The following CDH8 variants were observed in gnomAD, a reference collection of about 807,000 sequenced individuals.
The protein encoded by CDH8 is cadherin-8.
CDH8 carries 17 observed loss-of-function variants against 68.1 expected under a neutral mutation model. The observed-to-expected ratio is 0.25, with a 90% CI of 0.17 to 0.37. The LOEUF is 0.37. Among genes scored for constraint, CDH8 ranks in the 10% least tolerant of loss-of-function variants. CDH8 has a pLI of 1.00. For missense variants in CDH8, 763 were observed against 999.3 expected (o/e 0.76, Z 3.19); for synonymous variants, 372 against 365.1 (o/e 1.02, Z -0.21).
At chr16:61,664,472 A>T (rs1369744345) in intron 10 of CDH8, among the ~76,000 whole-genome samples, 1 of 152,046 alleles carries the variant, frequency 6.6e-6, no homozygotes, top group Non-Finnish European at 1.5e-5. Context: ...TTGTGGGCTT[A>T]AATTTATTTC....
chr16:61,987,679 C>T (rs58089628), intron 2 of CDH8, among the ~76,000 whole-genome samples: 2,579 of 151,526 alleles, frequency 0.017, 78 homozygotes, highest in African/African-American at 0.06. Context: ...TCTCTCATGA[C>T]AATATGATGT....
At chr16:61,969,863 C>G (rs576411163) in intron 2 of CDH8, among the ~76,000 whole-genome samples, 1 of 152,188 alleles carries the variant, frequency 6.6e-6, no homozygotes, top group African/African-American at 2.4e-5. Flanking sequence ...GTGTGTGACT[C>G]AAAGCCACCA....
At chr16:61,952,435 A>T (rs1028348177) in intron 2 of CDH8, among the ~76,000 whole-genome samples, 4 of 152,196 alleles carry the variant, frequency 2.6e-5, no homozygotes, top group Non-Finnish European at 5.9e-5. Flanking sequence ...ATGAATAAAG[A>T]GGTTTGGCTT....
intron 2 of CDH8, among the ~76,000 whole-genome samples, chr16:61,980,624 C>A (rs1285828865): frequency 6.6e-6 from 1 of 152,102 alleles, no homozygotes; most frequent in Admixed American, 6.5e-5. Flanking sequence ...GGAATGCAAC[C>A]ACACCCACTT....
chr16:61,854,266 G>C (rs1380088745), intron 4 of CDH8, among the ~76,000 whole-genome samples: 2 of 151,930 alleles, frequency 1.3e-5, no homozygotes, highest in Non-Finnish European at 2.9e-5. Flanking sequence ...CTTTAGGCTT[G>C]ACCTCAGGAT....
intron 7 of CDH8, among the ~76,000 whole-genome samples, chr16:61,811,586 G>T (rs144403763): frequency 0.01 from 1,590 of 152,108 alleles, 22 homozygotes; most frequent in African/African-American, 0.035. Flanking sequence ...ATATTAAAAA[G>T]ATATTAGCAC....
intron 2 of CDH8, among the ~76,000 whole-genome samples, chr16:61,904,351 C>T (rs938198875): frequency 7.9e-5 from 12 of 152,166 alleles, no homozygotes; most frequent in South Asian, 2.1e-4. Flanking sequence ...GCCTGGTCAA[C>T]GTACGCCCCC....
In CDH8 at chr16:62,021,299, A is replaced by C; in HGVS notation, c.105T>G (p.Ser35=). 6.2e-7 allele frequency: 1 copy of C among 1,614,026 alleles called. No individual in the cohort carries two copies. The highest frequency in any genetic ancestry group is 8.5e-7 in the Non-Finnish European group (1 of 1,179,942). Residue 35 remains serine (S), a synonymous_variant, in exon 2 of 12, where the codon TCT becomes TCG. Coordinates refer to ENST00000577390, the MANE Select transcript of CDH8 (RefSeq NM_001796.5). ...PCIYMAPMNQ[S]QVLMSGSPLE... ...AAGGGGATCCACTCATTAAAACTTG[A>C]GACTGATTCATCGGAGCCATGTAAA...
At chr16:61,984,753 C>T (rs907324899) in intron 2 of CDH8, among the ~76,000 whole-genome samples, 12 of 152,162 alleles carry the variant, frequency 7.9e-5, no homozygotes, top group African/African-American at 2.6e-4. Context: ...TTAATAAATG[C>T]TTCCCTACAG....
At chr16:61,933,094 G>A (rs1964571706) in intron 2 of CDH8, among the ~76,000 whole-genome samples, 1 of 152,182 alleles carries the variant, frequency 6.6e-6, no homozygotes, top group African/African-American at 2.4e-5. Context: ...AACACTGAGA[G>A]TGAGACCTTC....
intron 10 of CDH8, among the ~76,000 whole-genome samples, chr16:61,678,669 T>C (rs1031638284): frequency 2.0e-5 from 3 of 152,030 alleles, no homozygotes; most frequent in Non-Finnish European, 4.4e-5. Flanking sequence ...GCTACCCGAC[T>C]TCAAACTATA....
chr16:61,896,130 A>G (rs1963865494), intron 3 of CDH8, among the ~76,000 whole-genome samples: 1 of 152,234 alleles, frequency 6.6e-6, no homozygotes, highest in African/African-American at 2.4e-5. Context: ...AGGTAGGGAC[A>G]TTTGCATTGA....
At chr16:61,782,449 G>C (rs373096551) in intron 8 of CDH8, among the ~76,000 whole-genome samples, 1 of 151,710 alleles carries the variant, frequency 6.6e-6, no homozygotes, top group Non-Finnish European at 1.5e-5. Flanking sequence ...CGCCCACGGA[G>C]TCTCGCTGAT....
At chr16:61,981,631 G>C (rs1965530173) in intron 2 of CDH8, among the ~76,000 whole-genome samples, 1 of 151,582 alleles carries the variant, frequency 6.6e-6, no homozygotes, top group Admixed American at 6.6e-5. Context: ...TATCTTTTGA[G>C]CTGAACCTTG....
rs187472934 is a variant in CDH8 at position 62,019,462 on chromosome 16, C to T, written c.252+1690G>A. Among the ~76,000 whole-genome samples the T allele has an allele frequency of 3.6e-3, 545 of 152,254 alleles. 4 individuals carry two copies. Among genetic ancestry groups the T allele is most frequent in the African/African-American group, 0.012 (518 of 41,544 alleles). On this transcript the variant is annotated intron_variant, in intron 2 of 11. Transcript: ENST00000577390. ...TAATGCTGGTAAAGAAGCTCATATCCAAAACCCATGGGGCCAGATGTATCT... is the reference window on the plus strand; with the variant it reads ...TAATGCTGGTAAAGAAGCTCATATCTAAAACCCATGGGGCCAGATGTATCT...
chr16:61,739,884 C>CATATATATATATATATATATAT lies in CDH8; in HGVS notation c.1415-12691_1415-12670dup, dbSNP rs35095367. ...AATATAGCATTTGTACAACATATTCCATATATATATATATATATATATATA... is the reference window on the plus strand; with the variant it reads ...AATATAGCATTTGTACAACATATTCCATATATATATATATATATATATATATATATATATATATATATATATA... On this transcript the variant is annotated intron_variant, in intron 8 of 11. Coordinates refer to ENST00000577390, the MANE Select transcript of CDH8 (RefSeq NM_001796.5). Among the ~76,000 whole-genome samples the CATATATATATATATATATATAT allele has an allele frequency of 5.6e-4, 57 of 101,438 alleles. 1 individual carries two copies. Among genetic ancestry groups the CATATATATATATATATATATAT allele is most frequent in the Non-Finnish European group, 7.1e-4 (38 of 53,884 alleles). The allele number at this position is 101,438 out of a possible 152,430, so 66.5% of individuals were successfully genotyped here.
intron 2 of CDH8, among the ~76,000 whole-genome samples, chr16:61,994,776 A>C (rs958813890): frequency 1.3e-5 from 2 of 152,146 alleles, no homozygotes; most frequent in South Asian, 4.1e-4. Flanking sequence ...CATGATTCTG[A>C]TGCTTACTGC....
rs370448338 is a variant in CDH8 at position 61,719,192 on chromosome 16, T to C, written c.1537-5234A>G. ...GTTTATTAGGTGGCTATTCAGAGCA[T>C]GTAGCTTGCAGTTCTGACATACAGG... On this transcript the variant is annotated intron_variant, in intron 9 of 11. Coordinates refer to ENST00000577390, the MANE Select transcript of CDH8 (RefSeq NM_001796.5). Among the ~76,000 whole-genome samples, 7 of 150,598 alleles carry C rather than the reference T, an allele frequency of 4.6e-5. No individual in the cohort carries two copies. The South Asian group carries it at 1.5e-3, about 31-fold the overall frequency.
chr16:61,661,232 A>G (rs1963551826), intron 10 of CDH8, among the ~76,000 whole-genome samples: 1 of 152,024 alleles, frequency 6.6e-6, no homozygotes. Flanking sequence ...AAGGTAGAAG[A>G]CTTGAAAAAC....
Sources: allele counts gnomAD v4.1 joint callset (sites outside exome capture counted in the v4.1 genomes callset), GRCh38; gene constraint gnomAD v4.1.1; transcripts MANE v1.5; gene names NCBI Gene and HGNC (gene_info 2026-07-23, HGNC 2026-07-21).